Variants in SV2B observed in about 807,000 individuals in gnomAD.
SV2B encodes synaptic vesicle glycoprotein 2B, also known as solute carrier family 22 member B2.
In SV2B, 41 loss-of-function variants were observed where a neutral mutation model predicts 73.9. The observed-to-expected ratio is 0.56, with a 90% CI of 0.43 to 0.72. The LOEUF (loss-of-function observed/expected upper bound fraction) is 0.72. Among genes scored for constraint, SV2B ranks in the 30% least tolerant of loss-of-function variants. SV2B has a pLI of 0.00. For missense variants in SV2B, 764 were observed against 857.8 expected (o/e 0.89, Z 1.37); for synonymous variants, 314 against 314.2 (o/e 1.00, Z 0.01).
In SV2B at chr15:91,227,079, A is replaced by G. The variant is rs1792828162; in HGVS notation, c.451+365A>G. ...CAAATTAAACCTTCTTCCATGTCCA[A>G]ATGACAAATACATTTGGGAAGAGAT... On this transcript the variant is annotated intron_variant, in intron 2 of 12. Transcript: ENST00000394232. This position sits in a 1 kb window ranked among gnomAD's most constrained non-coding sequence, Gnocchi z 4.5. Among the ~76,000 whole-genome samples the G allele has an allele frequency of 6.6e-6, 1 of 152,114 alleles. No individual in the cohort carries two copies. Among genetic ancestry groups the G allele is most frequent in the South Asian group, 2.1e-4 (1 of 4,814 alleles).
intron 1 of SV2B, among the ~76,000 whole-genome samples, chr15:91,210,372 C>T (rs1567347866): frequency 1.3e-5 from 2 of 151,794 alleles, no homozygotes; most frequent in Non-Finnish European, 1.5e-5. Flanking sequence ...GTCTAAGCTG[C>T]GGAGAGTACA....
At chr15:91,192,592 C>G (rs887517933) in intron 1 of SV2B, among the ~76,000 whole-genome samples, 1 of 152,126 alleles carries the variant, frequency 6.6e-6, no homozygotes, top group Non-Finnish European at 1.5e-5. Flanking sequence ...TGTTTATGAA[C>G]AACAGTCTCT....
At chr15:91,101,467 G>A (rs552769106) in intron 1 of SV2B, among the ~76,000 whole-genome samples, 16 of 152,198 alleles carry the variant, frequency 1.1e-4, no homozygotes, top group Admixed American at 5.9e-4. Flanking sequence ...ATTAGTCCTT[G>A]GGGATGCAGA....
intron 1 of SV2B, among the ~76,000 whole-genome samples, chr15:91,196,846 G>A (rs2045262681): frequency 6.6e-6 from 1 of 152,324 alleles, no homozygotes; most frequent in Non-Finnish European, 1.5e-5. Context: ...ACTGTGAGGT[G>A]AGCCTAAAGG....
intron 1 of SV2B, among the ~76,000 whole-genome samples, chr15:91,131,841 T>TA (rs1177383784): frequency 1.3e-5 from 2 of 152,130 alleles, no homozygotes; most frequent in African/African-American, 4.8e-5. Context: ...CAGGTGCCTG[T>TA]AATCCCAGCT....
chr15:91,191,405 C>G (rs2045024214), intron 1 of SV2B, among the ~76,000 whole-genome samples: 1 of 152,084 alleles, frequency 6.6e-6, no homozygotes, highest in Admixed American at 6.6e-5. Context: ...GATACATCAT[C>G]AAGTTATTAA....
rs992390955 is a variant in SV2B, at chr15:91,288,007, G to A, written c.1709-1514G>A. ...GCCTTCTACCCCCGGGGAGGAGTTG[G>A]GGAGGGGTACTCCAGCCACCTTCCC... On this transcript the variant is annotated intron_variant, in intron 11 of 12. Transcript: ENST00000394232. The surrounding 1 kb of genome is among the most constrained non-coding windows in gnomAD (Gnocchi z 5.8). Among the ~76,000 whole-genome samples the A allele has an allele frequency of 4.6e-5, 7 of 152,122 alleles. No individual in the cohort carries two copies. Among genetic ancestry groups the A allele is most frequent in the Non-Finnish European group, 7.4e-5 (5 of 68,026 alleles).
At position 91,197,807 on chromosome 15, in the gene SV2B, G is replaced by C. The variant is rs539038608; in HGVS notation, c.-391-28066G>C. On this transcript the variant is annotated intron_variant, in intron 1 of 12. Transcript: ENST00000394232. This position sits in a 1 kb window ranked among gnomAD's most constrained non-coding sequence, Gnocchi z 4.9. ...CCAGCACTTTGGGAGGCCGAGATGG[G>C]TGGATCACCTGAGGTCAGGAGTTCC... 6.6e-6 allele frequency among the ~76,000 whole-genome samples: 1 copy of C among 152,228 alleles called. No homozygotes were observed. Among genetic ancestry groups the C allele is most frequent in the Non-Finnish European group, 1.5e-5 (1 of 68,010 alleles).
intron 11 of SV2B, among the ~76,000 whole-genome samples, chr15:91,287,946 T>G (rs2048916593): frequency 1.3e-5 from 2 of 152,124 alleles, no homozygotes; most frequent in Non-Finnish European, 2.9e-5. Flanking sequence ...TGGGAGGAAC[T>G]GGGGTCTTGG....
intron 1 of SV2B, among the ~76,000 whole-genome samples, chr15:91,198,752 T>C (rs1306411432): frequency 6.6e-6 from 1 of 152,162 alleles, no homozygotes; most frequent in Non-Finnish European, 1.5e-5. Flanking sequence ...CCAGGGAGAA[T>C]GGCTGGAGAC....
chr15:91,196,605 G>A (rs995161147), intron 1 of SV2B, among the ~76,000 whole-genome samples: 3 of 152,322 alleles, frequency 2.0e-5, no homozygotes, highest in East Asian at 3.9e-4. Flanking sequence ...TAGGAAATCC[G>A]ACCTTGATTC....
chr15:91,180,029 A>T (rs1169243611), intron 1 of SV2B, among the ~76,000 whole-genome samples: 3 of 151,494 alleles, frequency 2.0e-5, no homozygotes, highest in Non-Finnish European at 4.4e-5. Flanking sequence ...AGCGGCTGGT[A>T]CCGGTTGTTC....
chr15:91,256,112 A>G (rs2047679726), intron 4 of SV2B, among the ~76,000 whole-genome samples: 1 of 152,192 alleles, frequency 6.6e-6, no homozygotes, highest in South Asian at 2.1e-4. Flanking sequence ...AAAAATGGAT[A>G]TATTATGGAA....
rs201841298 is a variant in SV2B, at chr15:91,254,234, C to CT, written c.784+1732dup. 7.6e-3 allele frequency among the ~76,000 whole-genome samples: 961 copies of CT among 127,280 alleles called. 4 individuals are homozygous for CT. Among genetic ancestry groups the CT allele is most frequent in the South Asian group, 0.015 (59 of 3,998 alleles). The allele number at this position is 127,280 out of a possible 152,430, so 83.5% of individuals were successfully genotyped here. On this transcript the variant is annotated intron_variant, in intron 4 of 12. Transcript: ENST00000394232. ...GAATACTAAGGGATTATTTTCACTTCTTTTTTTTTTTTTTTTTTCTGAGAC... is the reference window on the plus strand; with the variant it reads ...GAATACTAAGGGATTATTTTCACTTCTTTTTTTTTTTTTTTTTTTCTGAGAC...
rs1443575147 is a variant in SV2B, at chr15:91,239,404, G to T, written c.452-12415G>T. Reference sequence around the variant, plus strand: ...AGGAGACATGGTAACAGATTATAAGGTATAAGGCATGAATTACAAAGTTAT... The same window carrying T: ...AGGAGACATGGTAACAGATTATAAGTTATAAGGCATGAATTACAAAGTTAT... On this transcript the variant is annotated intron_variant, in intron 2 of 12. Coordinates refer to ENST00000394232, the MANE Select transcript of SV2B (RefSeq NM_001323032.3). The surrounding 1 kb of genome is among the most constrained non-coding windows in gnomAD (Gnocchi z 5.1). Among the ~76,000 whole-genome samples, 2 of 151,944 alleles carry T rather than the reference G, an allele frequency of 1.3e-5. No individual in the cohort carries two copies. The highest frequency in any genetic ancestry group is 2.9e-5 in the Non-Finnish European group (2 of 67,992).
At position 91,197,984 on chromosome 15, in the gene SV2B, G is replaced by A. The variant is rs1026541740; in HGVS notation, c.-391-27889G>A. On this transcript the variant is annotated intron_variant, in intron 1 of 12. Transcript: ENST00000394232. This position sits in a 1 kb window ranked among gnomAD's most constrained non-coding sequence, Gnocchi z 4.9. ...GGGAGGCTGGAGGTTACAGTGAACC[G>A]AGATCGTGCCATTACACTACAGCCT... is the stretch of plus-strand genomic sequence containing the variant. Among the ~76,000 whole-genome samples the A allele has an allele frequency of 2.0e-4, 31 of 152,164 alleles. No homozygotes were observed. The highest frequency in any genetic ancestry group is 5.2e-4 in the Admixed American group (8 of 15,278).
chr15:91,293,109 T>A lies in SV2B; in HGVS notation c.*557T>A, dbSNP rs1394190839. The A allele has an allele frequency of 6.6e-6, 1 of 152,386 alleles. No individual in the cohort carries two copies. Among genetic ancestry groups the A allele is most frequent in the Non-Finnish European group, 1.5e-5 (1 of 68,148 alleles). The allele number at this position is 152,386 out of a possible 1,614,324, so 9.4% of individuals were successfully genotyped here. On this transcript the variant is annotated 3_prime_UTR_variant, in exon 13 of 13. Coordinates refer to ENST00000394232, the MANE Select transcript of SV2B (RefSeq NM_001323032.3). ...TACTCTGATCTAGAAAGCCAAGTAT[T>A]TGAGCAACATCTATAGAGATCTACT... is the stretch of plus-strand genomic sequence containing the variant.
rs140091258 is a variant in SV2B, at chr15:91,241,589, G to C, written c.452-10230G>C. ...CAGATTAATAAACTCAGTTCCTCCT[G>C]AACTGAGAACAACAGAAGTAACCGG... On this transcript the variant is annotated intron_variant, in intron 2 of 12. Transcript: ENST00000394232. This position sits in a 1 kb window ranked among gnomAD's most constrained non-coding sequence, Gnocchi z 4.8. Among the ~76,000 whole-genome samples the C allele has an allele frequency of 2.3e-3, 352 of 152,130 alleles. 1 individual carries two copies. The highest frequency in any genetic ancestry group is 7.9e-3 in the African/African-American group (327 of 41,462).
At chr15:91,200,348 G>T (rs1204537470) in intron 1 of SV2B, among the ~76,000 whole-genome samples, 1 of 152,200 alleles carries the variant, frequency 6.6e-6, no homozygotes, top group African/African-American at 2.4e-5. Flanking sequence ...GGGCCATATG[G>T]CCTTGAAACA....
Sources: allele counts gnomAD v4.1 joint callset (sites outside exome capture counted in the v4.1 genomes callset), GRCh38; gene constraint gnomAD v4.1.1; non-coding constraint Gnocchi (gnomAD v3.1); transcripts MANE v1.5; gene names NCBI Gene and HGNC (gene_info 2026-07-23, HGNC 2026-07-21).